CASKIN2: variants seen among roughly 807,000 people sequenced by gnomAD.
CASKIN2 encodes caskin-2.
Under a neutral mutation model 107.1 loss-of-function variants are expected in CASKIN2, and 41 were observed. The observed-to-expected ratio is 0.38, with a 90% CI of 0.30 to 0.50. The LOEUF is 0.50. CASKIN2 is among the 20% of genes least tolerant of loss of function. CASKIN2 has a pLI of 0.92. For missense variants in CASKIN2, 1,546 were observed against 1,657.4 expected (o/e 0.93, Z 1.17); for synonymous variants, 724 against 705.6 (o/e 1.03, Z -0.41).
rs1482271944 is a variant in CASKIN2, at chr17:75,505,225, C to T, written c.931-152G>A. On this transcript the variant is annotated intron_variant, in intron 10 of 19. Coordinates refer to ENST00000321617, the MANE Select transcript of CASKIN2 (RefSeq NM_020753.5). This position sits in a 1 kb window ranked among gnomAD's most constrained non-coding sequence, Gnocchi z 5.1. ...CTGATGCCCACACTGGCCCAAGTTC[C>T]GCCCCTGCTGCCAGCAGCCAGCTCA... The T allele has an allele frequency of 4.6e-5, 40 of 869,528 alleles. No homozygotes were observed. Among genetic ancestry groups the T allele is most frequent in the East Asian group, 3.3e-4 (13 of 39,778 alleles). The allele number at this position is 869,528 out of a possible 1,614,324, so 53.9% of individuals were successfully genotyped here. A position where few individuals can be genotyped will look rare whatever the true frequency, so the allele number is the denominator to read the frequency against.
rs142355604 is a variant in CASKIN2, at chr17:75,501,812, C to T, written c.3262G>A (p.Ala1088Thr). 1.2e-4 allele frequency: 180 copies of T among 1,546,296 alleles called. 1 individual carries two copies. The highest frequency in any genetic ancestry group is 1.1e-3 in the African/African-American group (81 of 72,984). ...RWNGETEPPA[A>T]PAALLKVPGA... ...GGCACCTTGAGGAGGGCAGCAGGGG[C>T]GGCCGGGGGTTCTGTCTCCCCATTC... Residue 1088 changes from alanine (A) to threonine (T), a missense_variant, in exon 18 of 20, where the codon GCC (alanine) becomes ACC (threonine). This residue lies in a region of CASKIN2 where 1,311 missense variants were observed against 1,311.0 expected (regional missense o/e 1.00). Transcript: ENST00000321617.
Position 75,506,629 on chromosome 17 carries a change from T to A in CASKIN2, c.571A>T (p.Thr191Ser). The A allele has an allele frequency of 3.1e-6, 5 of 1,613,310 alleles. No homozygotes were observed. The highest frequency in any genetic ancestry group is 4.2e-6 in the Non-Finnish European group (5 of 1,179,946). Residue 191 changes from threonine to serine, a missense_variant, in exon 7 of 20, where the codon ACG (threonine) becomes TCG (serine). This residue lies in a region of CASKIN2 where 31 missense variants were observed against 28.7 expected (regional missense o/e 1.08). Transcript: ENST00000321617. The surrounding 1 kb of genome is among the most constrained non-coding windows in gnomAD (Gnocchi z 4.8). Reference protein sequence around the residue: ...AKDPCDPNYTTPLHLAAKNGH... With the variant: ...AKDPCDPNYTSPLHLAAKNGH... ...TTCTTGGCAGCCAAGTGCAGGGGCG[T>A]GGTGTAGTTGGGGTCACACGGGTCT...
chr17:75,500,689 T>C lies in CASKIN2; in HGVS notation c.*391A>G. 4.1e-6 allele frequency: 1 copy of C among 245,916 alleles called. No homozygotes were observed. The highest frequency in any genetic ancestry group is 4.3e-5 in the South Asian group (1 of 23,180). 15.2% of individuals were successfully genotyped at this position (245,916 alleles called of 1,614,324 possible). A position where few individuals can be genotyped will look rare whatever the true frequency, so the allele number is the denominator to read the frequency against. ...CTCAGGGCCTGGGCAGGATGGTGGG[T>C]GGCAAGAGGCATTCCCTTGGCACAA... On this transcript the variant is annotated 3_prime_UTR_variant, in exon 20 of 20. Transcript: ENST00000321617.
chr17:75,503,230 C>T lies in CASKIN2; in HGVS notation c.1844G>A (p.Gly615Glu). Residue 615 changes from glycine (G) to glutamate (E), a missense_variant, in exon 18 of 20, where the codon GGG becomes GAG. Transcript: ENST00000321617. ...CCGAAGCTCCGCCAGCCGCTTCACC[C>T]CCAGCATGAGCTTCTTCTGATGCCC... ...KLGHQKKLML[G>E]VKRLAELRRG... The T allele has an allele frequency of 6.3e-7, 1 of 1,595,860 alleles. No individual in the cohort carries two copies. The highest frequency in any genetic ancestry group is 8.5e-7 in the Non-Finnish European group (1 of 1,172,608).
At chr17:75,510,059 C>T (rs985649305) in intron 2 of CASKIN2, among the ~76,000 whole-genome samples, 4 of 152,200 alleles carry the variant, frequency 2.6e-5, no homozygotes, top group Non-Finnish European at 4.4e-5. Context: ...ACTTCCCCTG[C>T]GGTACAACCT....
At chr17:75,512,190 G>A (rs1189739725) in intron 2 of CASKIN2, among the ~76,000 whole-genome samples, 1 of 152,198 alleles carries the variant, frequency 6.6e-6, no homozygotes, top group Non-Finnish European at 1.5e-5. Context: ...TCCTTCCTGT[G>A]CACAGGACCG....
In CASKIN2 at chr17:75,506,045, C is replaced by T. The variant is rs1356960002; in HGVS notation, c.727-116G>A. On this transcript the variant is annotated intron_variant, in intron 8 of 19. Transcript: ENST00000321617. The surrounding 1 kb of genome is among the most constrained non-coding windows in gnomAD (Gnocchi z 4.8). ...CATTTTCCGATTTTACAGATGAGGACATAGAGGCTCAGGGACTCAGTCAAG... is the reference window on the plus strand; with the variant it reads ...CATTTTCCGATTTTACAGATGAGGATATAGAGGCTCAGGGACTCAGTCAAG... The T allele has an allele frequency of 1.2e-5, 10 of 866,646 alleles. No homozygotes were observed. Among genetic ancestry groups the T allele is most frequent in the East Asian group, 2.7e-5 (1 of 37,644 alleles). 53.7% of individuals were successfully genotyped at this position (866,646 alleles called of 1,614,324 possible).
At chr17:75,503,808 C>G (rs1412905689) in intron 15 of CASKIN2, 44 bp downstream of exon 15, 3 of 1,609,988 alleles carry the variant, frequency 1.9e-6, no homozygotes, top group Non-Finnish European at 2.5e-6. Flanking sequence ...CCTGCTGGGC[C>G]CTCCCCCGCC....
chr17:75,502,041 C>T lies in CASKIN2; in HGVS notation c.3033G>A (p.Val1011=). 3 of 1,612,580 alleles carry T rather than the reference C, an allele frequency of 1.9e-6. No homozygotes were observed. The highest frequency in any genetic ancestry group is 1.7e-5 in the Admixed American group (1 of 60,004). ...CAGCGGGGCCAGGCGTGGCACTGGC[C>T]ACTCCGAAGGCCAGCAGTGCGGTCT... ...PLQTALLAFG[V]ASATPGPAAP... is the part of the protein sequence containing the mutation. The change falls in exon 18 of 20, where the codon GTG becomes GTA. Residue 1011 remains valine, a synonymous_variant. Coordinates refer to ENST00000321617, the MANE Select transcript of CASKIN2 (RefSeq NM_020753.5). The surrounding 1 kb of genome is among the most constrained non-coding windows in gnomAD (Gnocchi z 4.3).
rs1470447939 is a variant in CASKIN2 at position 75,506,228 on chromosome 17, C to T, written c.726+77G>A. Reference sequence around the variant, plus strand: ...AAAACCACGCTGGAGTCCTCCGTCCCGTACCTCCCCAGCCAGTCAGGGGCA... The same window carrying T: ...AAAACCACGCTGGAGTCCTCCGTCCTGTACCTCCCCAGCCAGTCAGGGGCA... On this transcript the variant is annotated intron_variant, in intron 8 of 19. Transcript: ENST00000321617. The surrounding 1 kb of genome is among the most constrained non-coding windows in gnomAD (Gnocchi z 4.8). The T allele has an allele frequency of 5.5e-5, 72 of 1,303,264 alleles. No homozygotes were observed. Among genetic ancestry groups the T allele is most frequent in the South Asian group, 5.5e-4 (45 of 81,494 alleles). 80.7% of individuals were successfully genotyped at this position (1,303,264 alleles called of 1,614,324 possible).
intron 2 of CASKIN2, among the ~76,000 whole-genome samples, chr17:75,511,539 G>A: frequency 6.6e-6 from 1 of 152,178 alleles, no homozygotes; most frequent in Admixed American, 6.5e-5. Flanking sequence ...AGGCAAGTGA[G>A]GAAATTATAA....
At chr17:75,504,050 G>A (rs904169761) in intron 14 of CASKIN2, 88 bp from the exon 15 acceptor site, 2 of 1,298,102 alleles carry the variant, frequency 1.5e-6, no homozygotes, top group Admixed American at 4.0e-5. Flanking sequence ...CCTGAGCGGG[G>A]CTTCAGTCCA....
chr17:75,509,192 C>A (rs918112144), intron 2 of CASKIN2, among the ~76,000 whole-genome samples: 1 of 152,244 alleles, frequency 6.6e-6, no homozygotes, highest in African/African-American at 2.4e-5. Context: ...GTGCTCCCTG[C>A]GAGAGCCAGG....
intron 13 of CASKIN2, 24 bp downstream of exon 13, chr17:75,504,396 C>G (rs1203684977): frequency 6.2e-6 from 10 of 1,603,748 alleles, no homozygotes; most frequent in Non-Finnish European, 8.5e-6. Flanking sequence ...TCCTAGCCAA[C>G]CCAGGTCCCC....
intron 3 of CASKIN2, 102 bp from the exon 4 acceptor site, chr17:75,507,783 G>A: frequency 1.1e-6 from 1 of 873,062 alleles, no homozygotes; most frequent in South Asian, 1.6e-5. Flanking sequence ...GGCAGGGATG[G>A]GTTACTGGCC....
chr17:75,509,050 G>C (rs2146993923), intron 2 of CASKIN2, among the ~76,000 whole-genome samples: 1 of 152,352 alleles, frequency 6.6e-6, no homozygotes, highest in Non-Finnish European at 1.5e-5. Context: ...GACTGCCCGG[G>C]GAGTCACTGC....
chr17:75,507,033 T>C lies in CASKIN2; in HGVS notation c.341A>G (p.Asp114Gly). Residue 114 changes from aspartate to glycine, a missense_variant, in exon 5 of 20, where the codon GAC (aspartate) becomes GGC (glycine). Transcript: ENST00000321617. ...AGCCAGGTGCAGGGGGATCTGTCCG[T>C]CCAGCGAGGCGGCATTGACAGCCGC... ...ASAAVNAASL[D>G]GQIPLHLAAQ... The C allele has an allele frequency of 6.2e-7, 1 of 1,612,902 alleles. No homozygotes were observed. Among genetic ancestry groups the C allele is most frequent in the Non-Finnish European group, 8.5e-7 (1 of 1,179,916 alleles).
chr17:75,505,096 G>A lies in CASKIN2; in HGVS notation c.931-23C>T. 1 of 1,434,428 alleles carries A rather than the reference G, an allele frequency of 7.0e-7. No individual in the cohort carries two copies. Among genetic ancestry groups the A allele is most frequent in the Non-Finnish European group, 9.6e-7 (1 of 1,038,340 alleles). 88.9% of individuals were successfully genotyped at this position (1,434,428 alleles called of 1,614,324 possible). ...CACCTGCGGCCAGGGGTGGGGGGCG[G>A]GGACGGTCACTCCCAGCACCAGGCA... On this transcript the variant is annotated intron_variant, in intron 10 of 19. Coordinates refer to ENST00000321617, the MANE Select transcript of CASKIN2 (RefSeq NM_020753.5). The surrounding 1 kb of genome is among the most constrained non-coding windows in gnomAD (Gnocchi z 5.1).
Position 75,501,022 on chromosome 17 carries a change from C to A in CASKIN2, c.*58G>T. ...GTCCCTAGGGTGGCAGGGGCCTCTT[C>A]TGTGCTGGGGCAAAGGCAGTGGACT... is the stretch of plus-strand genomic sequence containing the variant. On this transcript the variant is annotated 3_prime_UTR_variant, in exon 20 of 20. Transcript: ENST00000321617. 6.6e-7 allele frequency: 1 copy of A among 1,507,134 alleles called. No homozygotes were observed. The highest frequency in any genetic ancestry group is 1.2e-5 in the South Asian group (1 of 83,144). The allele number at this position is 1,507,134 out of a possible 1,614,324, so 93.4% of individuals were successfully genotyped here.
Sources: allele counts gnomAD v4.1 joint callset (sites outside exome capture counted in the v4.1 genomes callset), GRCh38; gene constraint gnomAD v4.1.1; regional missense constraint gnomAD v4.1.1; non-coding constraint Gnocchi (gnomAD v3.1); transcripts MANE v1.5; gene names NCBI Gene and HGNC (gene_info 2026-07-23, HGNC 2026-07-21).